Variants in AFG2A observed in about 807,000 individuals in gnomAD.
The protein encoded by AFG2A is ATPase family gene 2 protein homolog A.
the AFG2A span, among the ~76,000 whole-genome samples, chr4:123,104,299 C>T: frequency 6.6e-6 from 1 of 152,114 alleles, no homozygotes; most frequent in Non-Finnish European, 1.5e-5. Flanking sequence ...CCATAAACCA[C>T]ACCCATGTAA....
At chr4:123,021,322 C>T in the AFG2A span, among the ~76,000 whole-genome samples, 1 of 151,126 alleles carries the variant, frequency 6.6e-6, no homozygotes, top group Non-Finnish European at 1.5e-5. Context: ...ATTAGGAAGA[C>T]AACAAGGTAT....
At chr4:123,124,613 T>C in the AFG2A span, among the ~76,000 whole-genome samples, 1 of 152,180 alleles carries the variant, frequency 6.6e-6, no homozygotes, top group Non-Finnish European at 1.5e-5. Flanking sequence ...GTTGTGCACA[T>C]GTACCCTGGA....
chr4:123,180,642 G>A, the AFG2A span, among the ~76,000 whole-genome samples: 67 of 152,154 alleles, frequency 4.4e-4, no homozygotes, highest in Non-Finnish European at 7.8e-4. Context: ...AGAAATTCCT[G>A]AGAATAGAGA....
the AFG2A span, among the ~76,000 whole-genome samples, chr4:123,107,174 T>A: frequency 2.6e-5 from 4 of 152,186 alleles, no homozygotes; most frequent in Non-Finnish European, 5.9e-5. Flanking sequence ...GCTGCAACTC[T>A]TCTCCTTCTC....
the AFG2A span, among the ~76,000 whole-genome samples, chr4:122,994,954 C>T: frequency 4.4e-3 from 674 of 152,068 alleles, 10 homozygotes; most frequent in Non-Finnish European, 3.1e-3. Context: ...ATATTTTCAC[C>T]TGGCACCTTT....
At chr4:123,037,155 G>A in the AFG2A span, among the ~76,000 whole-genome samples, 1 of 151,794 alleles carries the variant, frequency 6.6e-6, no homozygotes, top group African/African-American at 2.4e-5. Flanking sequence ...GCCCTTGGGA[G>A]GACTGAAAAA....
At chr4:123,098,431 C>T in the AFG2A span, among the ~76,000 whole-genome samples, 26 of 151,906 alleles carry the variant, frequency 1.7e-4, no homozygotes, top group African/African-American at 6.0e-4. Context: ...ATATTGTTAA[C>T]GATAGTCACC....
the AFG2A span, among the ~76,000 whole-genome samples, chr4:123,007,255 AG>A: frequency 6.6e-6 from 1 of 151,916 alleles, no homozygotes; most frequent in Non-Finnish European, 1.5e-5. Context: ...GGCCCTTTTT[AG>A]TACTCTACCT....
At chr4:122,964,887 T>TA in the AFG2A span, among the ~76,000 whole-genome samples, 2 of 152,206 alleles carry the variant, frequency 1.3e-5, no homozygotes, top group Admixed American at 6.5e-5. Context: ...GAAACTTTCC[T>TA]AGTGGTACAG....
At chr4:123,306,717 G>A in the AFG2A span, among the ~76,000 whole-genome samples, 2 of 151,990 alleles carry the variant, frequency 1.3e-5, no homozygotes, top group Non-Finnish European at 2.9e-5. Flanking sequence ...CACCACACCC[G>A]GCTAATTTTT....
chr4:123,017,370 T>C, the AFG2A span, among the ~76,000 whole-genome samples: 2 of 151,640 alleles, frequency 1.3e-5, no homozygotes, highest in South Asian at 4.2e-4. Flanking sequence ...TTTTTTTTTT[T>C]TTTTCTTTAA....
chr4:122,923,086 T>C, the AFG2A span: 1 of 1,606,570 alleles, frequency 6.2e-7, no homozygotes, highest in Admixed American at 1.7e-5. Flanking sequence ...TTCTCTCAGT[T>C]GAAGCGCGCA....
chr4:122,991,501 A>T, the AFG2A span, among the ~76,000 whole-genome samples: 5 of 152,318 alleles, frequency 3.3e-5, no homozygotes, highest in East Asian at 9.6e-4. Flanking sequence ...GTTTGTCCAC[A>T]CCCAGTTAAC....
At chr4:122,967,010 A>T in the AFG2A span, among the ~76,000 whole-genome samples, 2 of 152,202 alleles carry the variant, frequency 1.3e-5, no homozygotes, top group Non-Finnish European at 2.9e-5. Flanking sequence ...TTTATGATAT[A>T]ATAATACTTT....
chr4:123,051,625 G>A, the AFG2A span, among the ~76,000 whole-genome samples: 1 of 7,200 alleles, frequency 1.4e-4, no homozygotes, highest in Non-Finnish European at 2.1e-3. Context: ...GTCTAGTAGT[G>A]ATAAATTTCC....
At chr4:123,057,291 AAG>A in the AFG2A span, 2 of 1,613,026 alleles carry the variant, frequency 1.2e-6, no homozygotes, top group Non-Finnish European at 1.7e-6. Flanking sequence ...AGGGGCAGGT[AAG>A]AAGTATTTAA....
chr4:123,309,239 C>A, the AFG2A span, among the ~76,000 whole-genome samples: 3 of 152,138 alleles, frequency 2.0e-5, no homozygotes, highest in African/African-American at 4.8e-5. Flanking sequence ...TTGGACTGGG[C>A]AATTTTTAAA....
At chr4:122,937,243 A>G in the AFG2A span, among the ~76,000 whole-genome samples, 1 of 152,134 alleles carries the variant, frequency 6.6e-6, no homozygotes, top group Middle Eastern at 3.2e-3. Context: ...ATATCCTAAT[A>G]CTCATTACAG....
the AFG2A span, among the ~76,000 whole-genome samples, chr4:123,144,697 A>G: frequency 6.6e-6 from 1 of 152,132 alleles, no homozygotes; most frequent in Non-Finnish European, 1.5e-5. Context: ...GGGGAAAAGT[A>G]CTTGTTTTTA....
Sources: allele counts gnomAD v4.1 joint callset (sites outside exome capture counted in the v4.1 genomes callset), GRCh38; gene constraint gnomAD v4.1.1; transcripts MANE v1.5; gene names NCBI Gene and HGNC (gene_info 2026-07-23, HGNC 2026-07-21).